PPM1E: variants seen among roughly 807,000 people sequenced by gnomAD.
PPM1E encodes protein phosphatase 1E.
A neutral mutation model predicts 65.9 loss-of-function variants in PPM1E; 20 were observed. The observed-to-expected ratio is 0.30, with a 90% confidence interval of 0.21 to 0.44. The LOEUF (loss-of-function observed/expected upper bound fraction) is 0.44, where lower values mean the gene tolerates loss of function less well. PPM1E is among the 20% of genes least tolerant of loss of function. PPM1E has a pLI of 1.00. For missense variants in PPM1E, 713 were observed against 953.1 expected (o/e 0.75, Z 3.32); for synonymous variants, 352 against 374.9 (o/e 0.94, Z 0.70).
chr17:58,883,678 G>A (rs1305299150), intron 1 of PPM1E, among the ~76,000 whole-genome samples: 1 of 150,940 alleles, frequency 6.6e-6, no homozygotes, highest in African/African-American at 2.4e-5. Context: ...GTAGAGACGG[G>A]GTTTCACTGT....
At chr17:58,931,066 TAAAAA>T (rs774968022) in intron 1 of PPM1E, among the ~76,000 whole-genome samples, 2 of 83,148 alleles carry the variant, frequency 2.4e-5, no homozygotes, top group Non-Finnish European at 4.7e-5. Flanking sequence ...ATACAAAAAT[TAAAAA>T]AAAAAAAAAA....
At chr17:58,939,882 A>C (rs1426486594) in intron 1 of PPM1E, among the ~76,000 whole-genome samples, 1 of 152,222 alleles carries the variant, frequency 6.6e-6, no homozygotes, top group Non-Finnish European at 1.5e-5. Context: ...CTGTTTATAT[A>C]CATAAAAAGA....
At chr17:58,787,234 C>T (rs777335760) in intron 1 of PPM1E, among the ~76,000 whole-genome samples, 2 of 152,158 alleles carry the variant, frequency 1.3e-5, no homozygotes, top group Non-Finnish European at 2.9e-5. Context: ...CTGTGTGACT[C>T]TCAAACCTCA....
intron 1 of PPM1E, among the ~76,000 whole-genome samples, chr17:58,843,029 G>A (rs769049708): frequency 5.7e-4 from 87 of 152,108 alleles, no homozygotes; most frequent in Non-Finnish European, 1.1e-3. Context: ...GCTCATGCCT[G>A]TAATCCTAGC....
chr17:58,769,706 A>G (rs2049917249), intron 1 of PPM1E, among the ~76,000 whole-genome samples: 1 of 152,138 alleles, frequency 6.6e-6, no homozygotes, highest in South Asian at 2.1e-4. Context: ...ATCTTTTAGA[A>G]GCCAGTAAAA....
At chr17:58,934,208 A>G (rs1399671015) in intron 1 of PPM1E, among the ~76,000 whole-genome samples, 3 of 152,278 alleles carry the variant, frequency 2.0e-5, no homozygotes. Flanking sequence ...AAGTCTTGTA[A>G]TAGTACAATT....
intron 1 of PPM1E, among the ~76,000 whole-genome samples, chr17:58,908,445 CT>C (rs36031654): frequency 5.9e-4 from 85 of 144,682 alleles, no homozygotes; most frequent in East Asian, 2.0e-3. Flanking sequence ...TCTTTTTATA[CT>C]TTTTTTTTTT....
rs2051876506 is a variant in PPM1E, at chr17:58,930,259, A to C, written c.465-25390A>C. Among the ~76,000 whole-genome samples, 3 of 148,256 alleles carry C rather than the reference A, an allele frequency of 2.0e-5. No individual in the cohort carries two copies. The South Asian group carries it at 6.3e-4, about 31-fold the overall frequency. ...ATAAATTAAATGTATATACACACAC[A>C]CACACACACACACACACACACACAC... is the stretch of plus-strand genomic sequence containing the variant. On this transcript the variant is annotated intron_variant, in intron 1 of 6. Transcript: ENST00000308249.
chr17:58,769,954 G>A (rs2144168030), intron 1 of PPM1E, among the ~76,000 whole-genome samples: 1 of 152,240 alleles, frequency 6.6e-6, no homozygotes, highest in East Asian at 1.9e-4. Context: ...TTGAGCCCAG[G>A]AGGTGGAGGT....
At chr17:58,841,531 T>C (rs1044725293) in intron 1 of PPM1E, among the ~76,000 whole-genome samples, 9 of 151,622 alleles carry the variant, frequency 5.9e-5, no homozygotes, top group African/African-American at 2.2e-4. Context: ...CTTTTTTTTT[T>C]TTTTTTTGAG....
At chr17:58,862,689 A>G (rs1038251346) in intron 1 of PPM1E, among the ~76,000 whole-genome samples, 4 of 152,204 alleles carry the variant, frequency 2.6e-5, no homozygotes, top group Non-Finnish European at 4.4e-5. Context: ...ATGATTGTAT[A>G]TCTATATACC....
At chr17:58,876,307 T>C (rs2051126186) in intron 1 of PPM1E, among the ~76,000 whole-genome samples, 1 of 152,106 alleles carries the variant, frequency 6.6e-6, no homozygotes, top group African/African-American at 2.4e-5. Context: ...TAAATTGGAG[T>C]ATTTTCTTTG....
At chr17:58,966,073 G>C in intron 3 of PPM1E, 180 bp downstream of exon 3, 1 of 641,910 alleles carries the variant, frequency 1.6e-6, no homozygotes, top group South Asian at 2.0e-5. Context: ...ACGTTCTTTT[G>C]AATAGGTAAT....
At chr17:58,879,326 A>G (rs1428770401) in intron 1 of PPM1E, among the ~76,000 whole-genome samples, 1 of 150,340 alleles carries the variant, frequency 6.7e-6, no homozygotes, top group African/African-American at 2.4e-5. Flanking sequence ...TGGTCTCACT[A>G]TGTTTCCAGG....
At chr17:58,947,110 GTTTTTTTTTTTTTTTTTT>G (rs56666470) in intron 1 of PPM1E, among the ~76,000 whole-genome samples, 1 of 44,072 alleles carries the variant, frequency 2.3e-5, no homozygotes, top group Non-Finnish European at 3.7e-5. Context: ...CCTTTTTCCT[GTTTTTTTTTTTTTTTTTT>G]TTTTTTTTTT....
At chr17:58,835,426 G>A (rs137878187) in intron 1 of PPM1E, among the ~76,000 whole-genome samples, 36 of 152,130 alleles carry the variant, frequency 2.4e-4, no homozygotes, top group African/African-American at 7.0e-4. Flanking sequence ...ATTTCTACCC[G>A]AATTTTAATT....
Position 58,969,531 on chromosome 17 carries a change from G to A in PPM1E, c.784-8G>A. ...ACTCCCATAACTGTTCTGTGTTTCT[G>A]TTGACAGGACCAGGAAGAACAAGCT... is the stretch of plus-strand genomic sequence containing the variant. On this transcript the variant is annotated splice_polypyrimidine_tract_variant and splice_region_variant and intron_variant, in intron 3 of 6. Coordinates refer to ENST00000308249, the MANE Select transcript of PPM1E (RefSeq NM_014906.5). 1 of 1,614,046 alleles carries A rather than the reference G, an allele frequency of 6.2e-7. No homozygotes were observed. The highest frequency in any genetic ancestry group is 1.1e-5 in the South Asian group (1 of 91,072).
intron 1 of PPM1E, among the ~76,000 whole-genome samples, chr17:58,865,572 C>T (rs559809492): frequency 2.6e-5 from 4 of 152,014 alleles, no homozygotes; most frequent in East Asian, 1.9e-4. Flanking sequence ...TGATGGTGCA[C>T]ACTTGTAGTT....
At chr17:58,895,150 C>T (rs1445612470) in intron 1 of PPM1E, among the ~76,000 whole-genome samples, 3 of 152,086 alleles carry the variant, frequency 2.0e-5, no homozygotes, top group African/African-American at 7.2e-5. Context: ...GGGGGTGGCA[C>T]CACAAACTGC....
Sources: allele counts gnomAD v4.1 joint callset (sites outside exome capture counted in the v4.1 genomes callset), GRCh38; gene constraint gnomAD v4.1.1; transcripts MANE v1.5; gene names NCBI Gene and HGNC (gene_info 2026-07-23, HGNC 2026-07-21).